CDH18: variants seen among roughly 807,000 people sequenced by gnomAD.
CDH18 encodes cadherin 18, also known as cadherin-18.
CDH18 carries 31 observed loss-of-function variants against 67.9 expected under a neutral mutation model. The ratio of observed to expected loss-of-function variants is 0.46; its 90% CI spans 0.34 to 0.62. CDH18 has a LOEUF of 0.62. Ranked by LOEUF, CDH18 falls within the 20% of genes least tolerant of loss-of-function variation. The pLI is 0.01. For missense variants in CDH18, 890 were observed against 975.5 expected (o/e 0.91, Z 1.17); for synonymous variants, 362 against 347.2 (o/e 1.04, Z -0.48).
chr5:19,885,352 T>G (rs1788083464), intron 2 of CDH18, among the ~76,000 whole-genome samples: 1 of 152,330 alleles, frequency 6.6e-6, no homozygotes, highest in South Asian at 2.1e-4. Flanking sequence ...CTAGCTGTTA[T>G]CAAGCAAATC....
At chr5:19,955,648 C>A (rs934586954) in intron 2 of CDH18, among the ~76,000 whole-genome samples, 3 of 152,082 alleles carry the variant, frequency 2.0e-5, no homozygotes, top group Admixed American at 2.0e-4. Flanking sequence ...ATAGCACATA[C>A]TGGACATTCC....
chr5:20,321,727 G>A (rs1035218262), intron 1 of CDH18, among the ~76,000 whole-genome samples: 4 of 149,290 alleles, frequency 2.7e-5, no homozygotes, highest in Non-Finnish European at 5.9e-5. Flanking sequence ...CTTCAGATAT[G>A]TTATTGACAT....
chr5:20,224,051 C>A (rs1741426651), intron 2 of CDH18, among the ~76,000 whole-genome samples: 1 of 152,072 alleles, frequency 6.6e-6, no homozygotes, highest in South Asian at 2.1e-4. Flanking sequence ...AAGCAATGCA[C>A]ATTTTCTGTA....
intron 2 of CDH18, among the ~76,000 whole-genome samples, chr5:20,010,210 T>C (rs1013945404): frequency 6.6e-6 from 1 of 150,962 alleles, no homozygotes; most frequent in African/African-American, 2.4e-5. Context: ...CCATCTTCCA[T>C]CTCTTAATCT....
chr5:20,294,693 G>A (rs1374015197), intron 1 of CDH18, among the ~76,000 whole-genome samples: 1 of 152,000 alleles, frequency 6.6e-6, no homozygotes, highest in Non-Finnish European at 1.5e-5. Context: ...TTGTCTTAAG[G>A]TTTTCTACAG....
At chr5:19,895,737 A>G (rs116394623) in intron 2 of CDH18, among the ~76,000 whole-genome samples, 1,722 of 152,298 alleles carry the variant, frequency 0.011, 16 homozygotes, top group Non-Finnish European at 0.016. Context: ...GAATTATGCT[A>G]AATGAAATAA....
At chr5:20,131,115 A>T (rs991101106) in intron 2 of CDH18, among the ~76,000 whole-genome samples, 5 of 152,042 alleles carry the variant, frequency 3.3e-5, no homozygotes, top group African/African-American at 1.2e-4. Flanking sequence ...CCATTGCCTA[A>T]TCCCTTCTTC....
intron 1 of CDH18, among the ~76,000 whole-genome samples, chr5:20,570,002 G>A (rs559381890): frequency 6.6e-6 from 1 of 152,266 alleles, no homozygotes; most frequent in South Asian, 2.1e-4. Flanking sequence ...ATCAGTGCTT[G>A]TCAGGTGTTA....
At chr5:20,013,034 T>C (rs1408353053) in intron 2 of CDH18, among the ~76,000 whole-genome samples, 2 of 152,122 alleles carry the variant, frequency 1.3e-5, no homozygotes, top group East Asian at 3.9e-4. Flanking sequence ...GTAAAAAACC[T>C]GCACATCCTG....
chr5:20,510,932 C>T (rs953131815), intron 1 of CDH18, among the ~76,000 whole-genome samples: 3 of 152,030 alleles, frequency 2.0e-5, no homozygotes, highest in African/African-American at 7.2e-5. Context: ...CCGATGTTGC[C>T]GATAAATATG....
intron 1 of CDH18, among the ~76,000 whole-genome samples, chr5:20,283,854 A>T (rs1281563227): frequency 6.6e-6 from 1 of 152,186 alleles, no homozygotes. Context: ...AGCAAATTAA[A>T]TTTCCATTGA....
intron 2 of CDH18, among the ~76,000 whole-genome samples, chr5:20,007,351 G>A (rs935363828): frequency 6.6e-6 from 1 of 151,326 alleles, no homozygotes; most frequent in Non-Finnish European, 1.5e-5. Context: ...CATTCCACAA[G>A]TAAATACATA....
At chr5:19,994,250 C>CATATATACACATATATGTAT (rs1800147340) in intron 2 of CDH18, among the ~76,000 whole-genome samples, 1 of 139,302 alleles carries the variant, frequency 7.2e-6, no homozygotes, top group African/African-American at 3.0e-5. Flanking sequence ...CACACATATA[C>CATATATACACATATATGTAT]ACATATATAC....
At chr5:20,010,217 A>C (rs1340916795) in intron 2 of CDH18, among the ~76,000 whole-genome samples, 1 of 146,680 alleles carries the variant, frequency 6.8e-6, no homozygotes, top group East Asian at 2.0e-4. Context: ...CCATCTCTTA[A>C]TCTCTTACAT....
rs1737630112 is a variant in CDH18 at position 19,471,349 on chromosome 5, AG to A, written c.*1876del. Among the ~76,000 whole-genome samples, 1 of 152,142 alleles carries A rather than the reference AG, an allele frequency of 6.6e-6. No homozygotes were observed. The highest frequency in any genetic ancestry group is 2.1e-4 in the South Asian group (1 of 4,834). On this transcript the variant is annotated 3_prime_UTR_variant, in exon 13 of 13. Transcript: ENST00000382275. ...TTCCTCAGGCTTAAAACACAAATTG[AG>A]AATTATTCAAATTAAGCTTACTTAC...
intron 1 of CDH18, among the ~76,000 whole-genome samples, chr5:20,265,118 A>G (rs901068141): frequency 5.9e-5 from 9 of 152,178 alleles, no homozygotes; most frequent in Admixed American, 1.3e-4. Flanking sequence ...TTCATATTAG[A>G]TTATAGTTAA....
At chr5:20,130,404 T>G (rs1455667327) in intron 2 of CDH18, among the ~76,000 whole-genome samples, 1 of 6,502 alleles carries the variant, frequency 1.5e-4, no homozygotes, top group Non-Finnish European at 3.5e-3. Context: ...TTCCTTAGTT[T>G]TTTTTTTTTT....
At chr5:20,367,242 C>G (rs1029312553) in intron 1 of CDH18, among the ~76,000 whole-genome samples, 2 of 152,084 alleles carry the variant, frequency 1.3e-5, no homozygotes, top group Non-Finnish European at 2.9e-5. Flanking sequence ...AAAGTGTAGG[C>G]CTTTAGTAAT....
chr5:20,409,991 T>C (rs972629102), intron 1 of CDH18, among the ~76,000 whole-genome samples: 1 of 151,732 alleles, frequency 6.6e-6, no homozygotes, highest in Non-Finnish European at 1.5e-5. Flanking sequence ...TAAGTCATTA[T>C]TCAAAAAACT....
Sources: gnomAD v4.1 joint callset for allele counts (sites outside exome capture counted in the v4.1 genomes callset) on GRCh38, gnomAD v4.1.1 for gene constraint, MANE v1.5 for transcripts, NCBI Gene and HGNC (gene_info 2026-07-23, HGNC 2026-07-21) for gene names.